Variants in PRLR observed in about 807,000 individuals in gnomAD.
PRLR encodes the protein prolactin receptor.
A neutral mutation model predicts 40.2 loss-of-function variants in PRLR; 13 were observed. The observed-to-expected ratio is 0.32, with a 90% CI of 0.21 to 0.51. The LOEUF is 0.51. Ranked by LOEUF, PRLR falls within the 20% of genes least tolerant of loss-of-function variation. PRLR has a pLI of 0.97. For synonymous variants in PRLR, 269 were observed against 278.7 expected (o/e 0.97, Z 0.35); for missense variants, 656 against 747.3 (o/e 0.88, Z 1.42).
intron 1 of PRLR, among the ~76,000 whole-genome samples, chr5:35,185,881 G>A (rs908956059): frequency 1.8e-4 from 27 of 152,140 alleles, no homozygotes; most frequent in African/African-American, 5.8e-4. Flanking sequence ...CAGACTATGG[G>A]GAGCAAGATA....
At chr5:35,055,602 T>C (rs544969635), downstream of PRLR, 3 of 152,174 alleles carry the variant, frequency 2.0e-5, no homozygotes, top group Non-Finnish European at 2.9e-5. Context: ...AAATCTATTC[T>C]AATAAATTTT....
At chr5:35,066,168 G>T in intron 9 of PRLR, 66 bp from the exon 10 acceptor site, 1 of 1,432,382 alleles carries the variant, frequency 7.0e-7, no homozygotes, top group Non-Finnish European at 9.5e-7. Context: ...CAGCATCCCT[G>T]CTAAGTGGTG....
chr5:35,110,530 C>A (rs187479427), intron 2 of PRLR, among the ~76,000 whole-genome samples: 109 of 152,214 alleles, frequency 7.2e-4, no homozygotes, highest in African/African-American at 2.5e-3. Context: ...TTTCCTCACA[C>A]CGCTCTAAAA....
chr5:35,065,096 A>G lies in PRLR; in HGVS notation c.1862T>C (p.Phe621Ser). ...ATTCCATTAGTCAAGCTATCAGTGAAAGGAGTGTGTAAAACATGCGGGATC... is the reference window on the plus strand; with the variant it reads ...ATTCCATTAGTCAAGCTATCAGTGAGAGGAGTGTGTAAAACATGCGGGATC... The part of the protein sequence containing the change: ...YLDPACFTHS[F>S]H Residue 621 changes from phenylalanine (F) to serine (S), a missense_variant, in exon 10 of 10, where the codon TTT becomes TCT. By Grantham distance (155) the Phe-to-Ser change is radical. Coordinates refer to ENST00000618457, the MANE Select transcript of PRLR (RefSeq NM_000949.7). 1.2e-6 allele frequency: 2 copies of G among 1,609,936 alleles called. No homozygotes were observed. The highest frequency in any genetic ancestry group is 1.7e-6 in the Non-Finnish European group (2 of 1,176,984).
chr5:35,102,765 A>C (rs1771981262), intron 2 of PRLR, among the ~76,000 whole-genome samples: 2 of 151,888 alleles, frequency 1.3e-5, no homozygotes, highest in Admixed American at 1.3e-4. Flanking sequence ...CTGGTCTCGA[A>C]CTCCTGACCT....
At chr5:35,125,953 T>C (rs529579364) in intron 1 of PRLR, among the ~76,000 whole-genome samples, 14 of 152,304 alleles carry the variant, frequency 9.2e-5, no homozygotes, top group Middle Eastern at 3.4e-3. Context: ...ACACAGCAAA[T>C]GACCCTTACG....
At chr5:35,133,762 AC>A (rs1773760522) in intron 1 of PRLR, among the ~76,000 whole-genome samples, 1 of 152,182 alleles carries the variant, frequency 6.6e-6, no homozygotes, top group African/African-American at 2.4e-5. Context: ...CAAATGAAGA[AC>A]CTGTGGGCTA....
rs1346217689 is a variant in PRLR, at chr5:35,063,109, T to C, written c.*1980A>G. ...CACTGCCCAGGTGATGCCTATGCAGTTGGTTCTCAGACAGTTAAAGTATCG... is the reference window on the plus strand; with the variant it reads ...CACTGCCCAGGTGATGCCTATGCAGCTGGTTCTCAGACAGTTAAAGTATCG... On this transcript the variant is annotated 3_prime_UTR_variant, in exon 10 of 10. Transcript: ENST00000618457. 1 of 152,204 alleles carries C rather than the reference T, an allele frequency of 6.6e-6. No individual in the cohort carries two copies. The highest frequency in any genetic ancestry group is 1.9e-4 in the East Asian group (1 of 5,204). 9.4% of individuals were successfully genotyped at this position (152,204 alleles called of 1,614,324 possible).
chr5:35,163,285 C>T (rs1429335889), intron 1 of PRLR, among the ~76,000 whole-genome samples: 1 of 152,134 alleles, frequency 6.6e-6, no homozygotes, highest in Non-Finnish European at 1.5e-5. Flanking sequence ...GCGACAAGGA[C>T]CTGGCTCTTC....
At chr5:35,051,673 A>C (rs1561244497), downstream of PRLR, among the ~76,000 whole-genome samples, 1 of 152,260 alleles carries the variant, frequency 6.6e-6, no homozygotes, top group East Asian at 1.9e-4. Context: ...GAATTGGCTG[A>C]TTTAAATAAT....
At chr5:35,204,760 T>A (rs113655738) in intron 1 of PRLR, among the ~76,000 whole-genome samples, 15 of 152,262 alleles carry the variant, frequency 9.9e-5, no homozygotes, top group Admixed American at 2.6e-4. Flanking sequence ...AATTACCCAC[T>A]GAAAAAGATC....
chr5:35,092,487 T>A (rs1771272954), intron 2 of PRLR, among the ~76,000 whole-genome samples: 1 of 152,172 alleles, frequency 6.6e-6, no homozygotes, highest in Non-Finnish European at 1.5e-5. Flanking sequence ...TAGGCACATC[T>A]CTTGTTTATC....
chr5:35,074,835 G>A (rs766684031), intron 5 of PRLR, among the ~76,000 whole-genome samples: 2 of 151,936 alleles, frequency 1.3e-5, no homozygotes, highest in Non-Finnish European at 2.9e-5. Flanking sequence ...ACTTCTGTAG[G>A]CTCCTGTAGG....
intron 1 of PRLR, among the ~76,000 whole-genome samples, chr5:35,219,973 T>A (rs895275820): frequency 3.3e-5 from 5 of 152,090 alleles, no homozygotes; most frequent in African/African-American, 1.2e-4. Context: ...TGGCCATACC[T>A]CCAAATTCCA....
At chr5:35,189,535 C>T (rs1034097833) in intron 1 of PRLR, among the ~76,000 whole-genome samples, 4 of 151,272 alleles carry the variant, frequency 2.6e-5, no homozygotes, top group African/African-American at 4.9e-5. Context: ...GAGCTGAGAT[C>T]GTGCCACTGC....
chr5:35,084,649 G>A lies in PRLR; in HGVS notation c.204-10C>T. ...ATGCATGAGTGTCTCTCTGCAATAAGTAATGTATTAGGAATGAATAAGAAA... is the reference window on the plus strand; with the variant it reads ...ATGCATGAGTGTCTCTCTGCAATAAATAATGTATTAGGAATGAATAAGAAA... On this transcript the variant is annotated splice_polypyrimidine_tract_variant and intron_variant, in intron 4 of 9. Coordinates refer to ENST00000618457, the MANE Select transcript of PRLR (RefSeq NM_000949.7). 1.2e-6 allele frequency: 2 copies of A among 1,607,978 alleles called. No individual in the cohort carries two copies. The highest frequency in any genetic ancestry group is 1.1e-5 in the South Asian group (1 of 89,622).
chr5:35,117,139 G>A (rs2111703676), intron 2 of PRLR, among the ~76,000 whole-genome samples: 1 of 152,226 alleles, frequency 6.6e-6, no homozygotes, highest in East Asian at 1.9e-4. Flanking sequence ...ATCCGACCCA[G>A]AATGCCTACA....
chr5:35,087,422 T>TTGTGTGTGTGTGTG lies in PRLR; in HGVS notation c.71-1096_71-1083dup, dbSNP rs10691744. 5.1e-3 allele frequency among the ~76,000 whole-genome samples: 717 copies of TTGTGTGTGTGTGTG among 140,914 alleles called. 4 individuals are homozygous for TTGTGTGTGTGTGTG. Among genetic ancestry groups the TTGTGTGTGTGTGTG allele is most frequent in the African/African-American group, 0.017 (632 of 37,572 alleles). 92.4% of individuals were successfully genotyped at this position (140,914 alleles called of 152,430 possible). ...TCTCTTAGATTTTCCTCTCTTTCCT[T>TTGTGTGTGTGTGTG]TGTGTGTGTGTGTGTGTGTGTGTGT... On this transcript the variant is annotated intron_variant, in intron 3 of 9. Transcript: ENST00000618457.
intron 1 of PRLR, among the ~76,000 whole-genome samples, chr5:35,124,181 T>C (rs1352624941): frequency 6.6e-6 from 1 of 152,124 alleles, no homozygotes; most frequent in Non-Finnish European, 1.5e-5. Flanking sequence ...TAAGGCAAAT[T>C]TGGGTTCAGT....
Sources: gnomAD v4.1 joint callset for allele counts (sites outside exome capture counted in the v4.1 genomes callset) on GRCh38, gnomAD v4.1.1 for gene constraint, MANE v1.5 for transcripts, NCBI Gene and HGNC (gene_info 2026-07-23, HGNC 2026-07-21) for gene names.